Variants in CACNA1B observed in about 807,000 individuals in gnomAD.
The protein encoded by CACNA1B is voltage-dependent N-type calcium channel subunit alpha-1B.
In CACNA1B, 70 loss-of-function variants were observed where a neutral mutation model predicts 247.2. The observed-to-expected ratio is 0.28, with a 90% CI of 0.23 to 0.35. The LOEUF (loss-of-function observed/expected upper bound fraction) is 0.35. CACNA1B is among the 10% of genes least tolerant of loss of function. The pLI is 1.00. For synonymous variants in CACNA1B, 1,231 were observed against 1,294.4 expected (o/e 0.95, Z 1.05); for missense variants, 2,367 against 3,197.4 (o/e 0.74, Z 6.26).
At chr9:137,901,685 G>A (rs1270279265) in intron 3 of CACNA1B, among the ~76,000 whole-genome samples, 1 of 122,940 alleles carries the variant, frequency 8.1e-6, no homozygotes, top group Non-Finnish European at 1.6e-5. Context: ...GTTTTTTTGT[G>A]ATTTTTTTTT....
At position 138,122,206 on chromosome 9, in the gene CACNA1B, T is replaced by C. The variant is rs1962127611; in HGVS notation, c.*207T>C. The C allele has an allele frequency of 3.4e-6, 2 of 592,416 alleles. No individual in the cohort carries two copies. Among genetic ancestry groups the C allele is most frequent in the South Asian group, 4.1e-5 (2 of 48,420 alleles). 36.7% of individuals were successfully genotyped at this position (592,416 alleles called of 1,614,324 possible). ...GAGGATGCGGCTCTCTCTGTCCCCTTCCTGTCCTGCCTTCCTGGGTCTCGT... is the reference window on the plus strand; with the variant it reads ...GAGGATGCGGCTCTCTCTGTCCCCTCCCTGTCCTGCCTTCCTGGGTCTCGT... On this transcript the variant is annotated 3_prime_UTR_variant, in exon 47 of 47. Coordinates refer to ENST00000371372, the MANE Select transcript of CACNA1B (RefSeq NM_000718.4).
chr9:138,121,439 T>G lies in CACNA1B; in HGVS notation c.6490-30T>G. 3.8e-5 allele frequency: 39 copies of G among 1,028,332 alleles called. No individual in the cohort carries two copies. Among genetic ancestry groups the G allele is most frequent in the African/African-American group, 5.0e-5 (3 of 59,936 alleles). 63.7% of individuals were successfully genotyped at this position (1,028,332 alleles called of 1,614,324 possible). Reference sequence around the variant, plus strand: ...CGGCTTTTTTTTTTTTTTTTTTACCTCTGATTTGTTCTGGTCCATTTTCAT... The same window carrying G: ...CGGCTTTTTTTTTTTTTTTTTTACCGCTGATTTGTTCTGGTCCATTTTCAT... On this transcript the variant is annotated intron_variant, in intron 46 of 46. Transcript: ENST00000371372. This position sits in a 1 kb window ranked among gnomAD's most constrained non-coding sequence, Gnocchi z 6.8.
Position 137,891,555 on chromosome 9 carries a change from A to G in CACNA1B, c.530+8672A>G, listed in dbSNP as rs546142927. On this transcript the variant is annotated intron_variant, in intron 3 of 46. Coordinates refer to ENST00000371372, the MANE Select transcript of CACNA1B (RefSeq NM_000718.4). This position sits in a 1 kb window ranked among gnomAD's most constrained non-coding sequence, Gnocchi z 4.3. Reference sequence around the variant, plus strand: ...CACCCACAGAGGTCACAGGGGTTCAAGTTCATACCCCGGGAGGGTGGGAGC... The same window carrying G: ...CACCCACAGAGGTCACAGGGGTTCAGGTTCATACCCCGGGAGGGTGGGAGC... 1 of 186,270 alleles carries G rather than the reference A, an allele frequency of 5.4e-6. No individual in the cohort carries two copies. The highest frequency in any genetic ancestry group is 2.4e-5 in the African/African-American group (1 of 42,026). The allele number at this position is 186,270 out of a possible 1,614,324, so 11.5% of individuals were successfully genotyped here. A position where few individuals can be genotyped will look rare whatever the true frequency, so the allele number is the denominator to read the frequency against.
Position 138,052,253 on chromosome 9 carries a change from TGTGTGTGTGTATGCATGCA to T in CACNA1B, c.3807+69_3807+87del. The T allele has an allele frequency of 1.2e-6, 1 of 844,040 alleles. No homozygotes were observed. The highest frequency in any genetic ancestry group is 2.0e-6 in the Non-Finnish European group (1 of 511,484). The allele number at this position is 844,040 out of a possible 1,614,324, so 52.3% of individuals were successfully genotyped here. ...GTGTGTGCGTGTGTGTGTGTGCGTG[TGTGTGTGTGTATGCATGCA>T]GTGCATGAGTGTGTGTGTGTTCACA... On this transcript the variant is annotated intron_variant, in intron 25 of 46. Transcript: ENST00000371372. This position sits in a 1 kb window ranked among gnomAD's most constrained non-coding sequence, Gnocchi z 5.1.
In CACNA1B at chr9:138,121,115, G is replaced by A. The variant is rs140223104; in HGVS notation, c.6489+234G>A. Among the ~76,000 whole-genome samples the A allele has an allele frequency of 3.7e-3, 556 of 152,220 alleles. 5 individuals carry two copies. Among genetic ancestry groups the A allele is most frequent in the African/African-American group, 0.012 (489 of 41,528 alleles). On this transcript the variant is annotated intron_variant, in intron 46 of 46. Transcript: ENST00000371372. The surrounding 1 kb of genome is among the most constrained non-coding windows in gnomAD (Gnocchi z 6.8). ...GGTCACCCTGGGACAGTGGTTCTGCGTCCTATCCACTTTCGGACCTGGGCC... is the reference window on the plus strand; with the variant it reads ...GGTCACCCTGGGACAGTGGTTCTGCATCCTATCCACTTTCGGACCTGGGCC...
Position 138,010,170 on chromosome 9 carries a change from G to A in CACNA1B, c.2160+93G>A. On this transcript the variant is annotated intron_variant, in intron 17 of 46. Coordinates refer to ENST00000371372, the MANE Select transcript of CACNA1B (RefSeq NM_000718.4). This position sits in a 1 kb window ranked among gnomAD's most constrained non-coding sequence, Gnocchi z 5.3. ...TCTGGGTCCTGGGTTAGGGCCTCGT[G>A]TCCAGGAGCGTTGCCTTGGGTCCTG... is the stretch of plus-strand genomic sequence containing the variant. The A allele has an allele frequency of 1.0e-6, 1 of 978,976 alleles. No homozygotes were observed. Among genetic ancestry groups the A allele is most frequent in the Non-Finnish European group, 1.6e-6 (1 of 617,682 alleles). 60.6% of individuals were successfully genotyped at this position (978,976 alleles called of 1,614,324 possible). A position where few individuals can be genotyped will look rare whatever the true frequency, so the allele number is the denominator to read the frequency against.
rs565859541 is a variant in CACNA1B at position 137,894,665 on chromosome 9, C to T, written c.530+11782C>T. 2.7e-4 allele frequency among the ~76,000 whole-genome samples: 41 copies of T among 152,290 alleles called. No homozygotes were observed. In the East Asian group the frequency reaches 6.8e-3, roughly 25 times the overall value. Reference sequence around the variant, plus strand: ...CCTCGTGATCCGCCCACCTCGGCCTCCCAAAGTGCTGGGATTACAGGCATG... The same window carrying T: ...CCTCGTGATCCGCCCACCTCGGCCTTCCAAAGTGCTGGGATTACAGGCATG... On this transcript the variant is annotated intron_variant, in intron 3 of 46. Transcript: ENST00000371372.
intron 36 of CACNA1B, among the ~76,000 whole-genome samples, chr9:138,087,100 A>G (rs892143559): frequency 6.6e-6 from 1 of 151,190 alleles, no homozygotes; most frequent in Non-Finnish European, 1.5e-5. Context: ...CAGTTTTACA[A>G]TTTGGCCTGG....
At chr9:138,087,913 AAC>A (rs1960754769) in intron 36 of CACNA1B, among the ~76,000 whole-genome samples, 1 of 152,080 alleles carries the variant, frequency 6.6e-6, no homozygotes, top group East Asian at 1.9e-4. Context: ...CTACATCAGA[AAC>A]ACACAAAGAT....
chr9:137,975,617 A>G (rs1177382718), intron 11 of CACNA1B, among the ~76,000 whole-genome samples: 1 of 151,868 alleles, frequency 6.6e-6, no homozygotes, highest in Non-Finnish European at 1.5e-5. Context: ...TGACCCCAGA[A>G]CTCACACCTG....
At chr9:137,985,029 G>A (rs374390779) in intron 13 of CACNA1B, among the ~76,000 whole-genome samples, 25 of 152,296 alleles carry the variant, frequency 1.6e-4, no homozygotes, top group African/African-American at 5.8e-4. Context: ...AGACACACAC[G>A]TGGGCCAGCA....
chr9:137,972,373 C>T (rs749050466), intron 11 of CACNA1B, among the ~76,000 whole-genome samples: 6 of 152,216 alleles, frequency 3.9e-5, no homozygotes, highest in African/African-American at 1.4e-4. Context: ...GTGTCTACAG[C>T]GGATCTGGAG....
At position 138,010,254 on chromosome 9, in the gene CACNA1B, G is replaced by C. The variant is rs561506391; in HGVS notation, c.2160+177G>C. Among the ~76,000 whole-genome samples, 1 of 152,290 alleles carries C rather than the reference G, an allele frequency of 6.6e-6. No individual in the cohort carries two copies. ...GAGGCTGGAGCTGAGGATGCAGGGAGAGCCAAAGCCCCGAAGGCAGATGGA... is the reference window on the plus strand; with the variant it reads ...GAGGCTGGAGCTGAGGATGCAGGGACAGCCAAAGCCCCGAAGGCAGATGGA... On this transcript the variant is annotated intron_variant, in intron 17 of 46. Coordinates refer to ENST00000371372, the MANE Select transcript of CACNA1B (RefSeq NM_000718.4). The surrounding 1 kb of genome is among the most constrained non-coding windows in gnomAD (Gnocchi z 5.3).
In CACNA1B at chr9:138,011,626, C is replaced by G. The variant is rs1221308143; in HGVS notation, c.2161-1503C>G. Among the ~76,000 whole-genome samples, 2 of 152,170 alleles carry G rather than the reference C, an allele frequency of 1.3e-5. No homozygotes were observed. The highest frequency in any genetic ancestry group is 2.9e-5 in the Non-Finnish European group (2 of 68,028). The stretch of plus-strand genomic sequence containing the variant: ...GACTTTAGAACACTCCCTGGAGTGA[C>G]TGGCAAAGTCCCTGCCCCAGAGGGT... On this transcript the variant is annotated intron_variant, in intron 17 of 46. Coordinates refer to ENST00000371372, the MANE Select transcript of CACNA1B (RefSeq NM_000718.4). This position sits in a 1 kb window ranked among gnomAD's most constrained non-coding sequence, Gnocchi z 4.2.
At chr9:138,069,792 G>T (rs201924545) in intron 32 of CACNA1B, 29 bp downstream of exon 32, 20 of 1,601,698 alleles carry the variant, frequency 1.2e-5, no homozygotes, top group Non-Finnish European at 1.6e-5. Context: ...AACGGTTCTT[G>T]CAAGTCCTTG....
In CACNA1B at chr9:137,891,820, C is replaced by T. The variant is rs1957103639; in HGVS notation, c.530+8937C>T. On this transcript the variant is annotated intron_variant, in intron 3 of 46. Coordinates refer to ENST00000371372, the MANE Select transcript of CACNA1B (RefSeq NM_000718.4). This position sits in a 1 kb window ranked among gnomAD's most constrained non-coding sequence, Gnocchi z 4.3. ...CGTGCTGAAGCATCTCTACTCCAGC[C>T]AGACGGACGCTAACGCAGATTCATT... 5.6e-6 allele frequency: 2 copies of T among 354,686 alleles called. No individual in the cohort carries two copies. Among genetic ancestry groups the T allele is most frequent in the South Asian group, 4.2e-5 (2 of 47,536 alleles). 22.0% of individuals were successfully genotyped at this position (354,686 alleles called of 1,614,324 possible).
intron 40 of CACNA1B, among the ~76,000 whole-genome samples, chr9:138,113,865 G>A (rs1356287305): frequency 2.8e-5 from 4 of 142,078 alleles, no homozygotes; most frequent in Admixed American, 6.9e-5. Flanking sequence ...AGGGAGTGCC[G>A]GGAGGTGCCC....
intron 15 of CACNA1B, among the ~76,000 whole-genome samples, chr9:138,004,077 C>G (rs1254617457): frequency 6.6e-6 from 1 of 151,816 alleles, no homozygotes; most frequent in African/African-American, 2.4e-5. Context: ...GTGAAGTCGG[C>G]GAAGGTGTGC....
intron 6 of CACNA1B, among the ~76,000 whole-genome samples, chr9:137,923,361 C>A: frequency 1.2e-5 from 1 of 84,254 alleles, no homozygotes; most frequent in African/African-American, 4.8e-5. Context: ...TATTCCGTGG[C>A]TCCAGGTGGT....
Sources: allele counts gnomAD v4.1 joint callset (sites outside exome capture counted in the v4.1 genomes callset), GRCh38; gene constraint gnomAD v4.1.1; non-coding constraint Gnocchi (gnomAD v3.1); transcripts MANE v1.5; gene names NCBI Gene and HGNC (gene_info 2026-07-23, HGNC 2026-07-21).